Variants in CELSR1 observed in about 807,000 individuals in gnomAD.
The protein encoded by CELSR1 is cadherin EGF LAG seven-pass G-type receptor 1, also known as adhesion G protein-coupled receptor C1.
In CELSR1, 110 loss-of-function variants were observed where a neutral mutation model predicts 249.1. That is an observed-to-expected ratio of 0.44 (90% CI 0.38 to 0.52). The LOEUF (loss-of-function observed/expected upper bound fraction) is 0.52. Ranked by LOEUF, CELSR1 falls within the 20% of genes least tolerant of loss-of-function variation. The pLI is 0.00. For synonymous variants in CELSR1, 2,113 were observed against 1,900.0 expected, an observed-to-expected ratio of 1.11 and a Z score of -2.92; for missense variants, 4,109 against 4,296.4, an observed-to-expected ratio of 0.96 and a Z score of 1.22.
Position 46,410,539 on chromosome 22 carries a change from G to C in CELSR1, c.4792C>G (p.Leu1598Val). The change falls in exon 7 of 35, where the codon CTA becomes GTA. Residue 1598 changes from leucine to valine, a missense_variant. Physicochemically the swap from Leu to Val is conservative, Grantham distance 32 (BLOSUM62 1). Transcript: ENST00000674500. The surrounding 1 kb of genome is among the most constrained non-coding windows in gnomAD (Gnocchi z 6.8). The part of the protein sequence containing the change: ...SKKSLDLTGP[L>V]LLGGVPNLPE... ...AGGTTGGGGACACCCCCCAGGAGTA[G>C]AGGGCCGGTCAGATCCAGGGACCTG... The C allele has an allele frequency of 1.2e-6, 2 of 1,614,046 alleles. No homozygotes were observed. Among genetic ancestry groups the C allele is most frequent in the Non-Finnish European group, 1.7e-6 (2 of 1,180,020 alleles).
chr22:46,379,555 G>A (rs781052548), intron 22 of CELSR1, among the ~76,000 whole-genome samples: 7 of 152,330 alleles, frequency 4.6e-5, no homozygotes, highest in Admixed American at 6.5e-5. Context: ...GGTGGAATGG[G>A]TTCCTTTCTT....
rs2147272101 is a variant in CELSR1 at position 46,396,307 on chromosome 22, C to T, written c.5843+298G>A. Among the ~76,000 whole-genome samples, 1 of 152,140 alleles carries T rather than the reference C, an allele frequency of 6.6e-6. No individual in the cohort carries two copies. The highest frequency in any genetic ancestry group is 2.1e-4 in the South Asian group (1 of 4,814). On this transcript the variant is annotated intron_variant, in intron 13 of 34. Coordinates refer to ENST00000674500, the MANE Select transcript of CELSR1 (RefSeq NM_001378328.1). The surrounding 1 kb of genome is among the most constrained non-coding windows in gnomAD (Gnocchi z 6.4). ...CCTGTAGGACCAGCTACTCGGGAGG[C>T]CGAGGCAGGAGAATCACTTGAGCCC...
intron 3 of CELSR1, among the ~76,000 whole-genome samples, chr22:46,438,189 G>C (rs1461392579): frequency 6.6e-6 from 1 of 152,230 alleles, no homozygotes; most frequent in Non-Finnish European, 1.5e-5. Flanking sequence ...CCAAGGCCCA[G>C]AGAAGGGGGC....
At chr22:46,369,390 G>T in intron 26 of CELSR1, 132 bp from the exon 27 acceptor site, 1 of 751,832 alleles carries the variant, frequency 1.3e-6, no homozygotes, top group East Asian at 2.7e-5. Flanking sequence ...CCTGGCCTGT[G>T]GGGCGAAGCA....
rs1291545469 is a variant in CELSR1, at chr22:46,409,204, C to T, written c.5060-42G>A. The T allele has an allele frequency of 2.5e-6, 4 of 1,602,934 alleles. No individual in the cohort carries two copies. The African/African-American group carries it at 4.0e-5, about 16-fold the overall frequency. Reference sequence around the variant, plus strand: ...AGGGACCTCAGGTGTCTCCCGAAATCACACGGCCGCGGACTTGGCTGCAGG... The same window carrying T: ...AGGGACCTCAGGTGTCTCCCGAAATTACACGGCCGCGGACTTGGCTGCAGG... On this transcript the variant is annotated intron_variant, in intron 8 of 34. Transcript: ENST00000674500. This position sits in a 1 kb window ranked among gnomAD's most constrained non-coding sequence, Gnocchi z 9.8.
Position 46,534,013 on chromosome 22 carries a change from T to C in CELSR1, c.3158A>G (p.Asn1053Ser), listed in dbSNP as rs373934317. The C allele has an allele frequency of 1.4e-5, 23 of 1,613,536 alleles. No homozygotes were observed. Among genetic ancestry groups the C allele is most frequent in the Middle Eastern group, 1.6e-4 (1 of 6,084 alleles). Residue 1053 changes from asparagine (N) to serine (S), a missense_variant, in exon 1 of 35, where the codon AAC becomes AGC. Asn to Ser is a conservative substitution (Grantham distance 46, BLOSUM62 1). Transcript: ENST00000674500. The surrounding 1 kb of genome is among the most constrained non-coding windows in gnomAD (Gnocchi z 9.7). ...CTCCACCATGGCACGCAGGTCCCCG[T>C]TGAGCAGGTCCAGCTGGAAGAAATG... ...MRHFFQLDLL[N>S]GDLRAMVELD...
At position 46,448,388 on chromosome 22, in the gene CELSR1, GA is replaced by G. The variant is rs1484178101; in HGVS notation, c.4184-8978del. Among the ~76,000 whole-genome samples the G allele has an allele frequency of 6.6e-6, 1 of 152,164 alleles. No homozygotes were observed. Among genetic ancestry groups the G allele is most frequent in the African/African-American group, 2.4e-5 (1 of 41,436 alleles). ...GGCTGCTCCAGGAGCTAGGAGAAGA[GA>G]GATGCAGGGTCTCAGGGCTCACCTA... On this transcript the variant is annotated intron_variant, in intron 2 of 34. Coordinates refer to ENST00000674500, the MANE Select transcript of CELSR1 (RefSeq NM_001378328.1). The surrounding 1 kb of genome is among the most constrained non-coding windows in gnomAD (Gnocchi z 5.7).
At position 46,367,819 on chromosome 22, in the gene CELSR1, G is replaced by GAGC; in HGVS notation, c.7986_7988dup (p.Leu2663dup). ...GCCCCAGCAGCCAGGTGGCGCTGAT[G>GAGC]AGCAGCAGCAGGAGGAATGCGGTCC... On this transcript the variant is annotated inframe_insertion, in exon 28 of 35. Transcript: ENST00000674500. 5 of 1,611,752 alleles carry GAGC rather than the reference G, an allele frequency of 3.1e-6. No individual in the cohort carries two copies. The highest frequency in any genetic ancestry group is 4.5e-5 in the East Asian group (2 of 44,854).
intron 2 of CELSR1, among the ~76,000 whole-genome samples, chr22:46,453,408 G>C (rs923723955): frequency 1.3e-5 from 2 of 152,174 alleles, no homozygotes; most frequent in African/African-American, 4.8e-5. Flanking sequence ...ACAGATCAAC[G>C]TCCAGAAAAA....
chr22:46,399,834 G>T lies in CELSR1; in HGVS notation c.5295C>A (p.Ser1765=), dbSNP rs762928240. Residue 1765 remains serine, a synonymous_variant, in exon 10 of 35, where the codon TCC becomes TCA. Transcript: ENST00000674500. The surrounding 1 kb of genome is among the most constrained non-coding windows in gnomAD (Gnocchi z 5.0). Reference sequence around the variant, plus strand: ...ACTCCCCGTCGGTCACCCGCAACCCGGACAGCATCACGGACTCCACATCGG... The same window carrying T: ...ACTCCCCGTCGGTCACCCGCAACCCTGACAGCATCACGGACTCCACATCGG... The part of the protein sequence containing the change: ...GPSDVESVML[S]GLRVTDGEWH... The T allele has an allele frequency of 6.2e-7, 1 of 1,614,110 alleles. No individual in the cohort carries two copies. Among genetic ancestry groups the T allele is most frequent in the Admixed American group, 1.7e-5 (1 of 60,012 alleles).
chr22:46,524,074 C>T (rs538634840), intron 1 of CELSR1, among the ~76,000 whole-genome samples: 1 of 152,378 alleles, frequency 6.6e-6, no homozygotes, highest in East Asian at 1.9e-4. Context: ...GGCCTCGCCA[C>T]TGACAGACAG....
chr22:46,461,539 G>A (rs759026913), intron 2 of CELSR1, among the ~76,000 whole-genome samples: 3 of 152,212 alleles, frequency 2.0e-5, no homozygotes, highest in Admixed American at 6.5e-5. Context: ...TCAAAGCCAC[G>A]TTAGACGTTA....
At chr22:46,515,801 G>A (rs959588820) in intron 1 of CELSR1, among the ~76,000 whole-genome samples, 4 of 152,324 alleles carry the variant, frequency 2.6e-5, no homozygotes, top group South Asian at 2.1e-4. Flanking sequence ...AGGACATTCC[G>A]CCCATCCTGC....
At chr22:46,521,199 A>G (rs879135332) in intron 1 of CELSR1, among the ~76,000 whole-genome samples, 2 of 152,212 alleles carry the variant, frequency 1.3e-5, no homozygotes, top group Admixed American at 1.3e-4. Context: ...GTGTACAAAT[A>G]CCTCTTTAAA....
At chr22:46,416,617 T>C (rs1401837713) in intron 5 of CELSR1, among the ~76,000 whole-genome samples, 1 of 152,154 alleles carries the variant, frequency 6.6e-6, no homozygotes. Flanking sequence ...AAAAGCCACA[T>C]GCTCACTCCT....
intron 24 of CELSR1, among the ~76,000 whole-genome samples, chr22:46,375,889 C>T (rs1222422882): frequency 6.6e-6 from 1 of 152,196 alleles, no homozygotes; most frequent in Non-Finnish European, 1.5e-5. Flanking sequence ...TAGATTTTTT[C>T]TATGAGATCC....
At chr22:46,520,366 C>G (rs995571475) in intron 1 of CELSR1, among the ~76,000 whole-genome samples, 1 of 152,192 alleles carries the variant, frequency 6.6e-6, no homozygotes, top group African/African-American at 2.4e-5. Context: ...CCTGCTCCCA[C>G]GCCTCCCACA....
In CELSR1 at chr22:46,417,678, G is replaced by A. The variant is rs912452376; in HGVS notation, c.4612-5919C>T. Among the ~76,000 whole-genome samples, 1 of 152,182 alleles carries A rather than the reference G, an allele frequency of 6.6e-6. No homozygotes were observed. Among genetic ancestry groups the A allele is most frequent in the South Asian group, 2.1e-4 (1 of 4,832 alleles). On this transcript the variant is annotated intron_variant, in intron 5 of 34. Coordinates refer to ENST00000674500, the MANE Select transcript of CELSR1 (RefSeq NM_001378328.1). This position sits in a 1 kb window ranked among gnomAD's most constrained non-coding sequence, Gnocchi z 4.1. Reference sequence around the variant, plus strand: ...ACAGGTGCTCCTGAATCCCTCACCTGCCAGGGACCTGGGGCAGAAGACATA... The same window carrying A: ...ACAGGTGCTCCTGAATCCCTCACCTACCAGGGACCTGGGGCAGAAGACATA...
chr22:46,422,485 G>A (rs549569580), intron 5 of CELSR1, among the ~76,000 whole-genome samples: 8 of 147,788 alleles, frequency 5.4e-5, no homozygotes, highest in African/African-American at 2.1e-4. Flanking sequence ...TGTAATCGCA[G>A]CACTTTGGGA....
Sources: gnomAD v4.1 joint callset for allele counts (sites outside exome capture counted in the v4.1 genomes callset) on GRCh38, gnomAD v4.1.1 for gene constraint, Gnocchi (gnomAD v3.1) non-coding constraint, MANE v1.5 for transcripts, NCBI Gene and HGNC (gene_info 2026-07-23, HGNC 2026-07-21) for gene names.